The following THSD4 variants were observed in gnomAD, a reference collection of about 807,000 sequenced individuals.
The protein encoded by THSD4 is thrombospondin type 1 domain containing 4.
In THSD4, 69 loss-of-function variants were observed where a neutral mutation model predicts 119.0. The ratio of observed to expected loss-of-function variants is 0.58; its 90% CI spans 0.48 to 0.71. THSD4 has a LOEUF of 0.71. Ranked by LOEUF, THSD4 falls within the 30% of genes least tolerant of loss-of-function variation. The probability of loss-of-function intolerance (pLI) is 0.00; values close to 1 mark genes in which losing one functional copy is unlikely to be tolerated. For synonymous variants in THSD4, 524 were observed against 540.4 expected, an observed-to-expected ratio of 0.97 and a Z score of 0.42; for missense variants, 1,393 against 1,391.1, an observed-to-expected ratio of 1.00 and a Z score of -0.02.
rs111836997 is a variant in THSD4, at chr15:71,689,601, G to A, written c.1357+28867G>A. Among the ~76,000 whole-genome samples, 1,136 of 152,288 alleles carry A rather than the reference G, an allele frequency of 7.5e-3. 15 individuals are homozygous for A. The highest frequency in any genetic ancestry group is 0.026 in the African/African-American group (1,084 of 41,552). On this transcript the variant is annotated intron_variant, in intron 8 of 17. Transcript: ENST00000261862. ...TCACGCCTAACCAGAGAGGTGTGTG[G>A]GATAGAAAAAGACCTACACCATCCT...
chr15:71,515,665 C>T (rs1366088317), intron 7 of THSD4, among the ~76,000 whole-genome samples: 4 of 152,142 alleles, frequency 2.6e-5, no homozygotes, highest in Non-Finnish European at 4.4e-5. Context: ...CTTTGAAATG[C>T]AGCTTGTGTG....
chr15:71,678,351 C>T (rs777189712), intron 8 of THSD4, among the ~76,000 whole-genome samples: 7 of 152,168 alleles, frequency 4.6e-5, no homozygotes, highest in Non-Finnish European at 8.8e-5. Context: ...GATTTCTTAA[C>T]CAACAGCTGG....
intron 7 of THSD4, among the ~76,000 whole-genome samples, chr15:71,635,768 A>G (rs2050727142): frequency 1.3e-5 from 2 of 152,218 alleles, no homozygotes; most frequent in African/African-American, 4.8e-5. Flanking sequence ...CACAATCATG[A>G]TATTAATGGA....
At chr15:71,425,828 C>G (rs1029262525) in intron 7 of THSD4, among the ~76,000 whole-genome samples, 3 of 152,156 alleles carry the variant, frequency 2.0e-5, no homozygotes, top group South Asian at 2.1e-4. Context: ...CTGGGATAGG[C>G]AGTTGAGTGC....
chr15:71,343,871 C>T (rs756372105), intron 6 of THSD4, among the ~76,000 whole-genome samples: 1 of 151,652 alleles, frequency 6.6e-6, no homozygotes, highest in Non-Finnish European at 1.5e-5. Context: ...CACCACCACA[C>T]CCAGCTAACT....
chr15:71,580,903 G>A (rs1441050911), intron 7 of THSD4, among the ~76,000 whole-genome samples: 3 of 151,572 alleles, frequency 2.0e-5, no homozygotes, highest in Non-Finnish European at 2.9e-5. Flanking sequence ...ATACACATAT[G>A]TGTGTGTTAT....
intron 7 of THSD4, among the ~76,000 whole-genome samples, chr15:71,606,200 TTTG>T (rs1412818486): frequency 2.0e-5 from 3 of 152,252 alleles, no homozygotes; most frequent in Non-Finnish European, 4.4e-5. Context: ...TGGTTACTTT[TTTG>T]TTGTTTTTCT....
chr15:71,598,492 G>A (rs973971228), intron 7 of THSD4, among the ~76,000 whole-genome samples: 5 of 152,160 alleles, frequency 3.3e-5, no homozygotes, highest in Non-Finnish European at 7.3e-5. Context: ...TGAAGACTGG[G>A]GAGAAGGGTC....
intron 7 of THSD4, among the ~76,000 whole-genome samples, chr15:71,498,782 C>T (rs1328732337): frequency 1.3e-5 from 2 of 152,150 alleles, no homozygotes; most frequent in East Asian, 3.9e-4. Flanking sequence ...AGCAGCCTCA[C>T]CCTCCTGGGC....
rs1229296313 is a variant in THSD4 at position 71,661,602 on chromosome 15, GC to G, written c.1357+870del. Among the ~76,000 whole-genome samples the G allele has an allele frequency of 5.3e-5, 8 of 151,886 alleles. 1 individual carries two copies. Among genetic ancestry groups the G allele is most frequent in the African/African-American group, 9.7e-5 (4 of 41,366 alleles). ...GTAGAGATGGGGTTTCACCATGTTG[GC>G]CAAGCTGGTCTTGAACTCCTGGCCT... On this transcript the variant is annotated intron_variant, in intron 8 of 17. Transcript: ENST00000261862.
rs1332697704 is a variant in THSD4 at position 71,417,784 on chromosome 15, G to A, written c.1152+5961G>A. Among the ~76,000 whole-genome samples, 2 of 108,102 alleles carry A rather than the reference G, an allele frequency of 1.9e-5. 1 individual carries two copies. The highest frequency in any genetic ancestry group is 4.1e-5 in the Non-Finnish European group (2 of 49,158). 70.9% of individuals were successfully genotyped at this position (108,102 alleles called of 152,430 possible). On this transcript the variant is annotated intron_variant, in intron 7 of 17. Coordinates refer to ENST00000261862, the MANE Select transcript of THSD4 (RefSeq NM_024817.3). ...TTCTATTTCCGTGAAGAATTTCATT[G>A]GTATTTTGATAAGGATTACATTAAA...
At chr15:71,403,673 T>C (rs2140488935) in intron 6 of THSD4, among the ~76,000 whole-genome samples, 1 of 152,332 alleles carries the variant, frequency 6.6e-6, no homozygotes, top group East Asian at 1.9e-4. Flanking sequence ...AAGATAAGTC[T>C]CCTTTCGGGA....
At chr15:71,275,997 C>T (rs1346337417) in intron 6 of THSD4, among the ~76,000 whole-genome samples, 1 of 152,226 alleles carries the variant, frequency 6.6e-6, no homozygotes, top group Non-Finnish European at 1.5e-5. Context: ...CGGACTAATA[C>T]ACTGTCCTTC....
chr15:71,484,561 A>C (rs576817484), intron 7 of THSD4, among the ~76,000 whole-genome samples: 6 of 152,310 alleles, frequency 3.9e-5, no homozygotes, highest in Non-Finnish European at 7.4e-5. Context: ...CTTCTTCCTC[A>C]TCATCCTTTC....
intron 1 of THSD4, among the ~76,000 whole-genome samples, chr15:71,101,041 T>A (rs1596200175): frequency 6.6e-6 from 1 of 152,018 alleles, no homozygotes. Context: ...AAAATAAAAT[T>A]GATATGTTTG....
chr15:71,519,327 C>T (rs1290216780), intron 7 of THSD4, among the ~76,000 whole-genome samples: 1 of 152,136 alleles, frequency 6.6e-6, no homozygotes, highest in African/African-American at 2.4e-5. Flanking sequence ...CCACAGGGTT[C>T]TAAGCAGAAA....
chr15:71,200,213 T>G (rs2140238037), intron 3 of THSD4, among the ~76,000 whole-genome samples: 1 of 152,252 alleles, frequency 6.6e-6, no homozygotes, highest in South Asian at 2.1e-4. Flanking sequence ...AGGTCTGTTG[T>G]TCACCGAGTC....
rs576102879 is a variant in THSD4, at chr15:71,666,123, T to A, written c.1357+5389T>A. On this transcript the variant is annotated intron_variant, in intron 8 of 17. Transcript: ENST00000261862. ...TAGCCATTTTAATGATATTGGTTCT[T>A]CCTATCCATGAGCATGGAATGTTTT... 2.6e-5 allele frequency among the ~76,000 whole-genome samples: 4 copies of A among 152,324 alleles called. No homozygotes were observed. In the East Asian group the frequency reaches 7.7e-4, roughly 29 times the overall value.
chr15:71,780,564 C>A lies in THSD4; in HGVS notation c.*3190C>A. ...AAGAAAAAAAAAAGCCATTTAAAGC[C>A]AGCCACTAGAGGGAGTCAGTTCAGT... On this transcript the variant is annotated 3_prime_UTR_variant, in exon 18 of 18. Transcript: ENST00000261862. 5.6e-6 allele frequency: 2 copies of A among 356,764 alleles called. No homozygotes were observed. The highest frequency in any genetic ancestry group is 2.1e-5 in the South Asian group (1 of 47,538). The allele number at this position is 356,764 out of a possible 1,614,324, so 22.1% of individuals were successfully genotyped here. A position where few individuals can be genotyped will look rare whatever the true frequency, so the allele number is the denominator to read the frequency against.
Sources: gnomAD v4.1 joint callset for allele counts (sites outside exome capture counted in the v4.1 genomes callset) on GRCh38, gnomAD v4.1.1 for gene constraint, MANE v1.5 for transcripts, NCBI Gene and HGNC (gene_info 2026-07-23, HGNC 2026-07-21) for gene names.